Variants in ARL6IP6 observed in about 807,000 individuals in gnomAD.
ARL6IP6 encodes ADP-ribosylation factor-like protein 6-interacting protein 6.
In ARL6IP6, 22 loss-of-function variants were observed where a neutral mutation model predicts 21.5. The observed-to-expected ratio is 1.02, with a 90% CI of 0.73 to 1.46. ARL6IP6 has a LOEUF of 1.46. ARL6IP6 is among the 40% of genes most tolerant of loss of function. The pLI, the probability that ARL6IP6 is intolerant of heterozygous loss-of-function variation, is 0.00. For missense variants in ARL6IP6, 388 were observed against 299.8 expected, an observed-to-expected ratio of 1.29 and a Z score of -2.17; for synonymous variants, 164 against 125.3, an observed-to-expected ratio of 1.31 and a Z score of -2.06.
chr2:152,730,103 C>A (rs1271694431), intron 2 of ARL6IP6, among the ~76,000 whole-genome samples: 1 of 152,114 alleles, frequency 6.6e-6, no homozygotes, highest in East Asian at 1.9e-4. Flanking sequence ...ACCTGACTTA[C>A]CCATGATGCA....
In ARL6IP6 at chr2:152,720,286, C is replaced by T. The variant is rs191719104; in HGVS notation, c.401-247C>T. On this transcript the variant is annotated intron_variant, in intron 1 of 3. Coordinates refer to ENST00000326446, the MANE Select transcript of ARL6IP6 (RefSeq NM_152522.7). ...CACCTAGTATGCCCTTTAGTGTTTACCACTACCTTAGGGAATAAACAGTAC... is the reference window on the plus strand; with the variant it reads ...CACCTAGTATGCCCTTTAGTGTTTATCACTACCTTAGGGAATAAACAGTAC... The T allele has an allele frequency of 1.4e-3, 703 of 518,426 alleles. 6 individuals carry two copies. The highest frequency in any genetic ancestry group is 9.7e-4 in the Non-Finnish European group (277 of 285,774). The allele number at this position is 518,426 out of a possible 1,614,324, so 32.1% of individuals were successfully genotyped here.
intron 3 of ARL6IP6, among the ~76,000 whole-genome samples, chr2:152,747,278 AG>A (rs561781553): frequency 8.3e-4 from 126 of 152,336 alleles, no homozygotes; most frequent in Non-Finnish European, 1.3e-3. Flanking sequence ...AACTCCAGTG[AG>A]GAGAGAGCTA....
At chr2:152,747,732 A>G (rs527239230) in intron 3 of ARL6IP6, among the ~76,000 whole-genome samples, 1 of 151,642 alleles carries the variant, frequency 6.6e-6, no homozygotes, top group South Asian at 2.1e-4. Flanking sequence ...ACCACACCCA[A>G]CTAAGTTTTT....
chr2:152,718,613 G>A, upstream of ARL6IP6: 1 of 1,507,530 alleles, frequency 6.6e-7, no homozygotes, highest in Non-Finnish European at 8.9e-7. Context: ...GGGTTTCGTT[G>A]TGTTTCGCGC....
rs1370172203 is a variant in ARL6IP6, at chr2:152,760,375, TA to T, written c.*536del. 1.3e-5 allele frequency: 2 copies of T among 152,416 alleles called. No individual in the cohort carries two copies. The highest frequency in any genetic ancestry group is 2.9e-5 in the Non-Finnish European group (2 of 68,010). The allele number at this position is 152,416 out of a possible 1,614,324, so 9.4% of individuals were successfully genotyped here. ...ATATAATTAATAGAAGTTGCATTTATATTTTTTATGGGGCATAGTTCCTTAT... is the reference window on the plus strand; with the variant it reads ...ATATAATTAATAGAAGTTGCATTTATTTTTTTATGGGGCATAGTTCCTTAT... On this transcript the variant is annotated 3_prime_UTR_variant, in exon 4 of 4. Coordinates refer to ENST00000326446, the MANE Select transcript of ARL6IP6 (RefSeq NM_152522.7).
At chr2:152,732,069 A>G (rs925849986) in intron 2 of ARL6IP6, among the ~76,000 whole-genome samples, 23 of 152,160 alleles carry the variant, frequency 1.5e-4, no homozygotes, top group Admixed American at 1.1e-3. Context: ...TTTTCAATCT[A>G]TGTTATTATG....
intron 1 of ARL6IP6, chr2:152,720,111 G>T: frequency 5.4e-5 from 1 of 18,642 alleles, no homozygotes; most frequent in South Asian, 2.8e-4. Flanking sequence ...TTGCAATTCT[G>T]ATAGTTTTGT....
At chr2:152,740,722 C>T (rs1328359374) in intron 3 of ARL6IP6, among the ~76,000 whole-genome samples, 1 of 151,120 alleles carries the variant, frequency 6.6e-6, no homozygotes, top group Non-Finnish European at 1.5e-5. Context: ...TGCTTGAGCC[C>T]AGGAGTTTAT....
intron 3 of ARL6IP6, among the ~76,000 whole-genome samples, chr2:152,745,769 A>C (rs1423841630): frequency 6.6e-6 from 1 of 152,150 alleles, no homozygotes; most frequent in African/African-American, 2.4e-5. Context: ...TCTGGGGACT[A>C]TTCAGAGCCA....
chr2:152,744,118 A>G (rs1700938726), intron 3 of ARL6IP6, among the ~76,000 whole-genome samples: 2 of 152,148 alleles, frequency 1.3e-5, no homozygotes, highest in Admixed American at 6.5e-5. Flanking sequence ...TCGAACATCT[A>G]TGTTTATGCT....
intron 3 of ARL6IP6, among the ~76,000 whole-genome samples, chr2:152,737,256 T>G (rs1559233024): frequency 6.6e-6 from 1 of 152,204 alleles, no homozygotes; most frequent in African/African-American, 2.4e-5. Context: ...CTCCCTGGAT[T>G]ATCATTTTCC....
chr2:152,719,176 C>G (rs1699552606), intron 1 of ARL6IP6, 152 bp downstream of exon 1: 1 of 884,572 alleles, frequency 1.1e-6, no homozygotes, highest in South Asian at 2.6e-5. Context: ...ACTTTGCTCT[C>G]CCGCCCTTTG....
At chr2:152,747,999 C>A (rs1701138514) in intron 3 of ARL6IP6, among the ~76,000 whole-genome samples, 1 of 152,180 alleles carries the variant, frequency 6.6e-6, no homozygotes, top group South Asian at 2.1e-4. Context: ...CCGCATCCAG[C>A]CCTACTAATT....
At chr2:152,743,101 A>AATCTGTTAACATC (rs6146967) in intron 3 of ARL6IP6, among the ~76,000 whole-genome samples, 1 of 152,170 alleles carries the variant, frequency 6.6e-6, no homozygotes, top group African/African-American at 2.4e-5. Context: ...GCTAAATCAA[A>AATCTGTTAACATC]AGACTTTCTC....
rs781486429 is a variant in ARL6IP6, at chr2:152,732,847, C to G, written c.455-2147C>G. On this transcript the variant is annotated intron_variant, in intron 2 of 3. Transcript: ENST00000326446. ...AAATGTTATGTAAATAGTTGTTATA[C>G]TGTATTGGTTTTGATTGGCATTATT... 4.0e-5 allele frequency among the ~76,000 whole-genome samples: 6 copies of G among 151,472 alleles called. 1 individual carries two copies. The highest frequency in any genetic ancestry group is 2.0e-4 in the Admixed American group (3 of 15,220).
chr2:152,750,829 A>G (rs551626347), intron 3 of ARL6IP6, among the ~76,000 whole-genome samples: 141 of 152,376 alleles, frequency 9.3e-4, no homozygotes, highest in African/African-American at 3.1e-3. Context: ...CATCTGTGCA[A>G]TGTATTTAAG....
intron 2 of ARL6IP6, among the ~76,000 whole-genome samples, chr2:152,729,443 T>G (rs116207969): frequency 9.8e-5 from 15 of 152,312 alleles, no homozygotes; most frequent in Non-Finnish European, 1.9e-4. Context: ...GTGTATTTAT[T>G]TAAAAGCCTG....
intron 3 of ARL6IP6, among the ~76,000 whole-genome samples, chr2:152,752,391 A>G (rs111414275): frequency 0.011 from 1,636 of 152,336 alleles, 22 homozygotes; most frequent in African/African-American, 0.037. Flanking sequence ...AGGTTTGGTC[A>G]TGCGTGCCTC....
At chr2:152,757,749 T>G (rs1306057361) in intron 3 of ARL6IP6, among the ~76,000 whole-genome samples, 1 of 152,202 alleles carries the variant, frequency 6.6e-6, no homozygotes, top group Non-Finnish European at 1.5e-5. Flanking sequence ...TGCTACAGTG[T>G]TCCCAGTGGG....
Sources: allele counts gnomAD v4.1 joint callset (sites outside exome capture counted in the v4.1 genomes callset), GRCh38; gene constraint gnomAD v4.1.1; transcripts MANE v1.5; gene names NCBI Gene and HGNC (gene_info 2026-07-23, HGNC 2026-07-21).